Variants in LCLAT1 observed in about 807,000 individuals in gnomAD.
LCLAT1 encodes the protein lysocardiolipin acyltransferase 1, also known as 1-AGP acyltransferase 8.
LCLAT1 carries 11 observed loss-of-function variants against 30.7 expected under a neutral mutation model. The ratio of observed to expected loss-of-function variants is 0.36; its 90% CI spans 0.23 to 0.59. The LOEUF (loss-of-function observed/expected upper bound fraction) is 0.59. Among genes scored for constraint, LCLAT1 ranks in the 20% least tolerant of loss-of-function variants. LCLAT1 has a pLI of 0.77. For synonymous variants in LCLAT1, 155 were observed against 151.3 expected, an observed-to-expected ratio of 1.02 and a Z score of -0.18; for missense variants, 402 against 458.6, an observed-to-expected ratio of 0.88 and a Z score of 1.13.
At chr2:30,539,922 G>A (rs560169871) in intron 3 of LCLAT1, among the ~76,000 whole-genome samples, 5 of 152,200 alleles carry the variant, frequency 3.3e-5, no homozygotes, top group African/African-American at 1.2e-4. Context: ...AGATACTATG[G>A]GGTGGCAATA....
At chr2:30,534,195 G>A (rs916163258) in intron 3 of LCLAT1, among the ~76,000 whole-genome samples, 2 of 151,136 alleles carry the variant, frequency 1.3e-5, no homozygotes, top group East Asian at 1.9e-4. Context: ...GGATAGACTA[G>A]CAAGGGTGTT....
At chr2:30,519,922 C>T (rs1465427489) in intron 1 of LCLAT1, among the ~76,000 whole-genome samples, 1 of 152,202 alleles carries the variant, frequency 6.6e-6, no homozygotes, top group African/African-American at 2.4e-5. Context: ...TGGCCATTGA[C>T]TTTCACCCCT....
chr2:30,490,443 G>T (rs539554087), intron 1 of LCLAT1, among the ~76,000 whole-genome samples: 96 of 152,032 alleles, frequency 6.3e-4, no homozygotes, highest in African/African-American at 2.2e-3. Context: ...CGTCTGCCTC[G>T]GCCTCCCAAA....
Position 30,635,261 on chromosome 2 carries a change from A to T in LCLAT1, c.629-4856A>T, listed in dbSNP as rs190659223. ...ATATACACAAATATATATATATATAAAATAAAAGTATCAAGATAGTCAACT... is the reference window on the plus strand; with the variant it reads ...ATATACACAAATATATATATATATATAATAAAAGTATCAAGATAGTCAACT... On this transcript the variant is annotated intron_variant, in intron 5 of 5. Transcript: ENST00000379509. 3.7e-3 allele frequency among the ~76,000 whole-genome samples: 537 copies of T among 144,968 alleles called. 2 individuals carry two copies. The highest frequency in any genetic ancestry group is 0.011 in the African/African-American group (466 of 40,530).
rs1669269603 is a variant in LCLAT1, at chr2:30,640,853, C to G, written c.*234C>G. 1 of 438,520 alleles carries G rather than the reference C, an allele frequency of 2.3e-6. No homozygotes were observed. Among genetic ancestry groups the G allele is most frequent in the South Asian group, 3.2e-5 (1 of 31,492 alleles). The allele number at this position is 438,520 out of a possible 1,614,324, so 27.2% of individuals were successfully genotyped here. Reference sequence around the variant, plus strand: ...GCAGGGAGTGATCGGGGTGAAATAACTTGGGCCAGAATATTATTAAACAAT... The same window carrying G: ...GCAGGGAGTGATCGGGGTGAAATAAGTTGGGCCAGAATATTATTAAACAAT... On this transcript the variant is annotated 3_prime_UTR_variant, in exon 6 of 6. Transcript: ENST00000379509.
chr2:30,482,568 C>T (rs569912419), intron 1 of LCLAT1, among the ~76,000 whole-genome samples: 8 of 152,124 alleles, frequency 5.3e-5, no homozygotes, highest in East Asian at 1.9e-4. Context: ...TCTTATATGC[C>T]GTGACAGCTC....
intron 3 of LCLAT1, among the ~76,000 whole-genome samples, chr2:30,545,453 TG>T (rs1664356723): frequency 6.6e-6 from 1 of 152,170 alleles, no homozygotes; most frequent in South Asian, 2.1e-4. Flanking sequence ...GTATCTGTAG[TG>T]CCAGGTTGGG....
chr2:30,626,275 A>G (rs898367467), intron 5 of LCLAT1, among the ~76,000 whole-genome samples: 2 of 152,200 alleles, frequency 1.3e-5, no homozygotes, highest in African/African-American at 4.8e-5. Flanking sequence ...ACTTGTAAAC[A>G]AATTTGTTGG....
At chr2:30,550,470 CT>C (rs2148422614) in intron 3 of LCLAT1, among the ~76,000 whole-genome samples, 1 of 152,198 alleles carries the variant, frequency 6.6e-6, no homozygotes, top group Admixed American at 6.5e-5. Flanking sequence ...TTCATGGTGC[CT>C]TTGAAAAGTA....
At chr2:30,511,319 T>C (rs904952601) in intron 1 of LCLAT1, among the ~76,000 whole-genome samples, 3 of 152,176 alleles carry the variant, frequency 2.0e-5, no homozygotes, top group Admixed American at 6.5e-5. Flanking sequence ...CTGGCCTGTT[T>C]CTGTATTTTT....
intron 5 of LCLAT1, among the ~76,000 whole-genome samples, chr2:30,579,720 T>C (rs1362295630): frequency 6.6e-6 from 1 of 152,136 alleles, no homozygotes; most frequent in African/African-American, 2.4e-5. Context: ...TAGTCTTAGT[T>C]GTCATGAAGT....
At chr2:30,572,505 C>G (rs1665823081) in intron 5 of LCLAT1, among the ~76,000 whole-genome samples, 1 of 152,150 alleles carries the variant, frequency 6.6e-6, no homozygotes, top group Admixed American at 6.5e-5. Context: ...ATACGTATCC[C>G]CTAATTCTCC....
At chr2:30,449,708 C>T (rs1182525338) in intron 1 of LCLAT1, among the ~76,000 whole-genome samples, 1 of 152,070 alleles carries the variant, frequency 6.6e-6, no homozygotes, top group Non-Finnish European at 1.5e-5. Context: ...CTGTGTTGGT[C>T]AGGCTAGTCT....
chr2:30,621,751 G>C lies in LCLAT1; in HGVS notation c.629-18366G>C, dbSNP rs539164081. On this transcript the variant is annotated intron_variant, in intron 5 of 5. Transcript: ENST00000379509. ...AGGAAGCAGTGGGGAGAGCCCTGTG[G>C]GTACTCTCATTCCCAGGGAAGCCAT... is the stretch of plus-strand genomic sequence containing the variant. Among the ~76,000 whole-genome samples the C allele has an allele frequency of 5.7e-4, 86 of 152,194 alleles. 1 individual carries two copies. In the South Asian group the frequency reaches 0.017, roughly 30 times the overall value.
chr2:30,627,240 T>G (rs1271965923), intron 5 of LCLAT1, among the ~76,000 whole-genome samples: 1 of 152,080 alleles, frequency 6.6e-6, no homozygotes, highest in Non-Finnish European at 1.5e-5. Flanking sequence ...AGCACACAAG[T>G]CCCTCCCCCA....
In LCLAT1 at chr2:30,528,656, A is replaced by G. The variant is rs1475267937; in HGVS notation, c.165+2901A>G. Among the ~76,000 whole-genome samples, 4 of 152,228 alleles carry G rather than the reference A, an allele frequency of 2.6e-5. No homozygotes were observed. The South Asian group carries it at 6.2e-4, about 24-fold the overall frequency. ...ATAGTGTGATCTTTTGAGATGCACC[A>G]TCCTATGAGATTTTCAAAGATAATT... On this transcript the variant is annotated intron_variant, in intron 2 of 5. Transcript: ENST00000379509.
chr2:30,525,269 G>A (rs1037948452), intron 1 of LCLAT1, among the ~76,000 whole-genome samples: 2 of 152,126 alleles, frequency 1.3e-5, no homozygotes, highest in South Asian at 2.1e-4. Flanking sequence ...TAGAGATGGG[G>A]TTTCACCATG....
At chr2:30,560,778 A>G (rs946447462) in intron 3 of LCLAT1, among the ~76,000 whole-genome samples, 1 of 152,158 alleles carries the variant, frequency 6.6e-6, no homozygotes, top group African/African-American at 2.4e-5. Context: ...AAATAATAAG[A>G]GTTTATTATT....
rs829644 is a variant in LCLAT1 at position 30,473,980 on chromosome 2, C to G, written c.-5+26597C>G. The stretch of plus-strand genomic sequence containing the variant: ...TGTTTTTGTGTTGGTATCTGAGTAT[C>G]AAACAACATCTTACCAATAATAAGA... On this transcript the variant is annotated intron_variant, in intron 1 of 5. Transcript: ENST00000379509. Among the ~76,000 whole-genome samples, 1,392 of 152,264 alleles carry G rather than the reference C, an allele frequency of 9.1e-3. 24 individuals are homozygous for G. The highest frequency in any genetic ancestry group is 0.032 in the African/African-American group (1,345 of 41,540).
Sources: allele counts gnomAD v4.1 joint callset (sites outside exome capture counted in the v4.1 genomes callset), GRCh38; gene constraint gnomAD v4.1.1; transcripts MANE v1.5; gene names NCBI Gene and HGNC (gene_info 2026-07-23, HGNC 2026-07-21).